TASP1: variants seen among roughly 807,000 people sequenced by gnomAD.
TASP1 encodes the protein threonine aspartase 1.
Under a neutral mutation model 56.6 loss-of-function variants are expected in TASP1, and 16 were observed. That is an observed-to-expected ratio of 0.28 (90% CI 0.19 to 0.43). TASP1 has a LOEUF of 0.43. Ranked by LOEUF, TASP1 falls within the 20% of genes least tolerant of loss-of-function variation. The pLI is 1.00. For missense variants in TASP1, 393 were observed against 511.6 expected (o/e 0.77, Z 2.24); for synonymous variants, 179 against 184.2 (o/e 0.97, Z 0.23).
chr20:13,406,115 C>G (rs2041910563), intron 13 of TASP1, among the ~76,000 whole-genome samples: 1 of 152,146 alleles, frequency 6.6e-6, no homozygotes, highest in African/African-American at 2.4e-5. Context: ...TACTGTAAGT[C>G]CTCTAACTCT....
the TASP1 span, among the ~76,000 whole-genome samples, chr20:13,243,558 CCTCTAGGTCT>C: frequency 6.6e-6 from 1 of 152,126 alleles, no homozygotes; most frequent in African/African-American, 2.4e-5. Flanking sequence ...TCCTGCTTGA[CCTCTAGGTCT>C]CTCTTATTAT....
chr20:13,309,573 C>T, the TASP1 span, among the ~76,000 whole-genome samples: 1 of 152,074 alleles, frequency 6.6e-6, no homozygotes, highest in East Asian at 1.9e-4. Context: ...TTATATTCAG[C>T]ACAGTTCTGG....
the TASP1 span, among the ~76,000 whole-genome samples, chr20:13,212,272 G>A: frequency 2.0e-5 from 3 of 152,104 alleles, no homozygotes; most frequent in Admixed American, 6.6e-5. Flanking sequence ...AAAATGTACA[G>A]CCACTAATTA....
At chr20:13,605,857 G>A (rs1011224533) in intron 4 of TASP1, among the ~76,000 whole-genome samples, 1 of 151,974 alleles carries the variant, frequency 6.6e-6, no homozygotes, top group African/African-American at 2.4e-5. Context: ...AACCTACAAT[G>A]GTTTCCTAGC....
chr20:13,516,098 T>A (rs1355562590), intron 10 of TASP1, among the ~76,000 whole-genome samples: 1 of 152,170 alleles, frequency 6.6e-6, no homozygotes, highest in African/African-American at 2.4e-5. Context: ...AAATAAATCT[T>A]ACTTCAAGTA....
At chr20:13,320,991 G>T in the TASP1 span, among the ~76,000 whole-genome samples, 2 of 151,976 alleles carry the variant, frequency 1.3e-5, no homozygotes, top group African/African-American at 4.8e-5. Context: ...TTGGGGTCAG[G>T]ATTTCGAGAC....
At chr20:13,240,360 G>A in the TASP1 span, among the ~76,000 whole-genome samples, 6 of 152,190 alleles carry the variant, frequency 3.9e-5, no homozygotes, top group African/African-American at 1.4e-4. Flanking sequence ...CTAAAAGAGG[G>A]TGGTCAAGGA....
the TASP1 span, among the ~76,000 whole-genome samples, chr20:13,138,699 C>T: frequency 6.6e-6 from 1 of 152,100 alleles, no homozygotes; most frequent in Non-Finnish European, 1.5e-5. Context: ...GTCATAACTA[C>T]TTCATGGATG....
chr20:13,358,813 G>A, the TASP1 span, among the ~76,000 whole-genome samples: 2 of 151,264 alleles, frequency 1.3e-5, no homozygotes, highest in African/African-American at 4.9e-5. Flanking sequence ...ACGCAGGGAC[G>A]CCTGCCTTGG....
chr20:13,506,733 C>T (rs577227876), intron 10 of TASP1, among the ~76,000 whole-genome samples: 1 of 152,046 alleles, frequency 6.6e-6, no homozygotes, highest in African/African-American at 2.4e-5. Context: ...AAATTAGGTA[C>T]AGAATGCACC....
the TASP1 span, among the ~76,000 whole-genome samples, chr20:13,313,617 C>G: frequency 6.6e-6 from 1 of 152,234 alleles, no homozygotes; most frequent in South Asian, 2.1e-4. Context: ...CAATTAAACT[C>G]TGCTAAATTT....
intron 11 of TASP1, among the ~76,000 whole-genome samples, chr20:13,472,003 T>C (rs2044519398): frequency 1.3e-5 from 2 of 152,076 alleles, no homozygotes; most frequent in Non-Finnish European, 2.9e-5. Context: ...TTAAAGTTCA[T>C]ATGGAACCAA....
the TASP1 span, among the ~76,000 whole-genome samples, chr20:13,358,487 C>G: frequency 1.3e-5 from 2 of 152,164 alleles, no homozygotes; most frequent in Non-Finnish European, 2.9e-5. Context: ...AGGTAGGCGG[C>G]CTCTTCTTAC....
At chr20:13,194,807 G>A in the TASP1 span, among the ~76,000 whole-genome samples, 1 of 151,984 alleles carries the variant, frequency 6.6e-6, no homozygotes, top group African/African-American at 2.4e-5. Flanking sequence ...CTAATTGATC[G>A]ATCACATGCT....
At chr20:13,189,326 CCTT>C in the TASP1 span, among the ~76,000 whole-genome samples, 1 of 152,096 alleles carries the variant, frequency 6.6e-6, no homozygotes, top group African/African-American at 2.4e-5. Flanking sequence ...AAACTAAAGA[CCTT>C]CTGCATAGCA....
At chr20:13,518,311 T>A (rs1161872679) in intron 10 of TASP1, among the ~76,000 whole-genome samples, 1 of 152,100 alleles carries the variant, frequency 6.6e-6, no homozygotes, top group Non-Finnish European at 1.5e-5. Context: ...CTAAGAGCAA[T>A]GTATTTAACT....
intron 10 of TASP1, among the ~76,000 whole-genome samples, chr20:13,493,627 G>A (rs2043621295): frequency 6.6e-6 from 1 of 152,132 alleles, no homozygotes; most frequent in Admixed American, 6.6e-5. Context: ...GAGGCTTTCG[G>A]ACTCAGACTG....
intron 11 of TASP1, among the ~76,000 whole-genome samples, chr20:13,475,551 A>G (rs973938319): frequency 6.6e-6 from 1 of 152,162 alleles, no homozygotes; most frequent in African/African-American, 2.4e-5. Context: ...AAAAACATCA[A>G]TATTTAAAAC....
At chr20:13,268,110 T>C in the TASP1 span, among the ~76,000 whole-genome samples, 1 of 148,594 alleles carries the variant, frequency 6.7e-6, no homozygotes, top group African/African-American at 2.5e-5. Flanking sequence ...CTCTCTCCTC[T>C]CCTGTCTTCT....
Sources: gnomAD v4.1 joint callset for allele counts (sites outside exome capture counted in the v4.1 genomes callset) on GRCh38, gnomAD v4.1.1 for gene constraint, MANE v1.5 for transcripts, NCBI Gene and HGNC (gene_info 2026-07-23, HGNC 2026-07-21) for gene names.